LPP: variants seen among roughly 807,000 people sequenced by gnomAD.
LPP encodes the protein lipoma-preferred partner.
LPP carries 38 observed loss-of-function variants against 60.4 expected under a neutral mutation model. The ratio of observed to expected loss-of-function variants is 0.63; its 90% CI spans 0.49 to 0.83. The LOEUF is 0.83. Ranked by LOEUF, LPP falls within the 40% of genes least tolerant of loss-of-function variation. The pLI, the probability that LPP is intolerant of heterozygous loss-of-function variation, is 0.00. For synonymous variants in LPP, 328 were observed against 290.8 expected (o/e 1.13, Z -1.30); for missense variants, 902 against 783.6 (o/e 1.15, Z -1.80).
intron 4 of LPP, among the ~76,000 whole-genome samples, chr3:188,408,305 A>C (rs1292723052): frequency 1.3e-5 from 2 of 152,154 alleles, no homozygotes; most frequent in Non-Finnish European, 2.9e-5. Context: ...GTCCTATATT[A>C]AGTGGGCTCA....
chr3:188,498,446 G>A (rs1013503847), intron 5 of LPP, among the ~76,000 whole-genome samples: 1 of 152,088 alleles, frequency 6.6e-6, no homozygotes, highest in Admixed American at 6.5e-5. Context: ...TAATCAGATT[G>A]TATTTGTCTT....
intron 9 of LPP, among the ~76,000 whole-genome samples, chr3:188,811,953 TC>T (rs1751127339): frequency 6.6e-6 from 1 of 152,072 alleles, no homozygotes; most frequent in Non-Finnish European, 1.5e-5. Context: ...GGTATCCATC[TC>T]CCTTCAAGCA....
intron 4 of LPP, among the ~76,000 whole-genome samples, chr3:188,421,472 C>T (rs1425695862): frequency 2.6e-5 from 4 of 152,166 alleles, no homozygotes; most frequent in Non-Finnish European, 4.4e-5. Context: ...TGTGTTTAAT[C>T]AAGGCAGAAA....
intron 6 of LPP, among the ~76,000 whole-genome samples, chr3:188,590,984 C>G (rs1024459418): frequency 1.3e-5 from 2 of 152,164 alleles, no homozygotes; most frequent in Admixed American, 1.3e-4. Flanking sequence ...GAAATAAATA[C>G]AGTGGAGCTT....
chr3:188,173,222 C>T (rs2148821626), intron 1 of LPP, among the ~76,000 whole-genome samples: 1 of 152,272 alleles, frequency 6.6e-6, no homozygotes, highest in South Asian at 2.1e-4. Context: ...TATTACAGGT[C>T]AGGCGCGGTG....
At chr3:188,564,446 C>A (rs1034317167) in intron 6 of LPP, among the ~76,000 whole-genome samples, 1 of 151,996 alleles carries the variant, frequency 6.6e-6, no homozygotes, top group Non-Finnish European at 1.5e-5. Flanking sequence ...TCTCCCCTAT[C>A]CTTCTCTTTT....
intron 5 of LPP, among the ~76,000 whole-genome samples, chr3:188,506,287 T>G (rs1813427784): frequency 6.6e-6 from 1 of 152,168 alleles, no homozygotes; most frequent in African/African-American, 2.4e-5. Flanking sequence ...ATAACAATTT[T>G]TAGAAGGTTA....
chr3:188,391,083 C>T (rs1184369024), intron 3 of LPP, among the ~76,000 whole-genome samples: 4 of 152,150 alleles, frequency 2.6e-5, no homozygotes, highest in African/African-American at 9.7e-5. Context: ...GGACTTAAAT[C>T]CAAGTAAATT....
intron 2 of LPP, among the ~76,000 whole-genome samples, chr3:188,280,051 A>G (rs1293976620): frequency 6.6e-6 from 1 of 151,808 alleles, no homozygotes; most frequent in African/African-American, 2.4e-5. Context: ...GTAAAGTGGC[A>G]TTCAATTAAT....
In LPP at chr3:188,804,182, C is replaced by CT. The variant is rs1444195450; in HGVS notation, c.1410+43909dup. On this transcript the variant is annotated intron_variant, in intron 9 of 11. Transcript: ENST00000617246. ...TTGCTAAAATTATTTATTCTAGTAG[C>CT]TTTTTTTTTATTCGGGGGGAGGTTT... Among the ~76,000 whole-genome samples, 82 of 125,502 alleles carry CT rather than the reference C, an allele frequency of 6.5e-4. 1 individual carries two copies. Among genetic ancestry groups the CT allele is most frequent in the Non-Finnish European group, 1.1e-3 (66 of 61,380 alleles). 82.3% of individuals were successfully genotyped at this position (125,502 alleles called of 152,430 possible). A position where few individuals can be genotyped will look rare whatever the true frequency, so the allele number is the denominator to read the frequency against.
chr3:188,380,864 A>G (rs1007631544), intron 3 of LPP, among the ~76,000 whole-genome samples: 3 of 152,228 alleles, frequency 2.0e-5, no homozygotes, highest in African/African-American at 4.8e-5. Flanking sequence ...GACTTGTGTT[A>G]TCTCATTCAG....
At chr3:188,596,684 T>C (rs963748206) in intron 6 of LPP, among the ~76,000 whole-genome samples, 4 of 152,182 alleles carry the variant, frequency 2.6e-5, no homozygotes, top group Admixed American at 1.3e-4. Context: ...TATGATGTCC[T>C]TCAAATATTT....
At chr3:188,856,255 G>T (rs557475843) in intron 9 of LPP, among the ~76,000 whole-genome samples, 1 of 152,232 alleles carries the variant, frequency 6.6e-6, no homozygotes, top group Admixed American at 6.5e-5. Flanking sequence ...GGCATTCCAG[G>T]TATGTAAACT....
chr3:188,172,162 C>T (rs1261469418), intron 1 of LPP, among the ~76,000 whole-genome samples: 2 of 152,188 alleles, frequency 1.3e-5, no homozygotes, highest in African/African-American at 4.8e-5. Flanking sequence ...ACAAACTACT[C>T]ACCTCTCAGT....
At chr3:188,361,295 G>A (rs1175702777) in intron 3 of LPP, among the ~76,000 whole-genome samples, 1 of 152,126 alleles carries the variant, frequency 6.6e-6, no homozygotes, top group African/African-American at 2.4e-5. Flanking sequence ...AATAGTAGTA[G>A]CGGTTGCCAT....
intron 2 of LPP, among the ~76,000 whole-genome samples, chr3:188,237,337 C>T (rs1439003422): frequency 1.3e-5 from 2 of 152,200 alleles, no homozygotes; most frequent in Non-Finnish European, 2.9e-5. Context: ...TAAATTTCTT[C>T]CAATCTCCTG....
intron 2 of LPP, among the ~76,000 whole-genome samples, chr3:188,294,306 A>G (rs979524936): frequency 6.6e-6 from 1 of 152,150 alleles, no homozygotes. Context: ...CTAAAAACAG[A>G]ACCGTAAACT....
intron 9 of LPP, among the ~76,000 whole-genome samples, chr3:188,846,590 A>G (rs1761465281): frequency 1.3e-5 from 2 of 150,340 alleles, no homozygotes; most frequent in African/African-American, 4.9e-5. Context: ...AGGCTGAGGC[A>G]GGAGAATTGC....
At chr3:188,772,395 T>C (rs1372629773) in intron 9 of LPP, among the ~76,000 whole-genome samples, 1 of 152,210 alleles carries the variant, frequency 6.6e-6, no homozygotes, top group Non-Finnish European at 1.5e-5. Flanking sequence ...TCACCACAAC[T>C]GGTATTATCA....
Sources: gnomAD v4.1 joint callset for allele counts (sites outside exome capture counted in the v4.1 genomes callset) on GRCh38, gnomAD v4.1.1 for gene constraint, MANE v1.5 for transcripts, NCBI Gene and HGNC (gene_info 2026-07-23, HGNC 2026-07-21) for gene names.